The following GSN variants were observed in gnomAD, a reference collection of about 807,000 sequenced individuals.
GSN encodes the protein gelsolin.
In GSN, 56 loss-of-function variants were observed where a neutral mutation model predicts 85.7. The ratio of observed to expected loss-of-function variants is 0.65; its 90% CI spans 0.53 to 0.82. The LOEUF (loss-of-function observed/expected upper bound fraction) is 0.82. Among genes scored for constraint, GSN ranks in the 40% least tolerant of loss-of-function variants. GSN has a pLI of 0.00. For missense variants in GSN, 857 were observed against 979.8 expected (o/e 0.87, Z 1.67); for synonymous variants, 373 against 399.1 (o/e 0.93, Z 0.78).
rs1387241489 is a variant in GSN at position 121,328,900 on chromosome 9, GGGA to G, written c.1775_1777del (p.Glu592del). 1 of 1,611,592 alleles carries G rather than the reference GGGA, an allele frequency of 6.2e-7. No individual in the cohort carries two copies. ...TGGCCTCCCCTCACAGATGGCTTCT[GGGA>G]GGCCCTGGGCGGGAAGGCTGCCTAC... On this transcript the variant is annotated inframe_deletion, in exon 15 of 18. Transcript: ENST00000432226.
intron 2 of GSN, chr9:121,284,704 A>T (rs2057850568): frequency 6.0e-6 from 1 of 167,088 alleles, no homozygotes; most frequent in East Asian, 1.9e-4. Flanking sequence ...CTGGTTAGAG[A>T]GGTTTTGAAT....
At chr9:121,326,023 C>T (rs2063120127) in intron 12 of GSN, among the ~76,000 whole-genome samples, 1 of 151,338 alleles carries the variant, frequency 6.6e-6, no homozygotes, top group Admixed American at 6.6e-5. Context: ...TGAGGGTGTA[C>T]ATCTTCCCTG....
intron 2 of GSN, chr9:121,286,881 G>T: frequency 1.2e-6 from 1 of 801,360 alleles, no homozygotes; most frequent in East Asian, 2.7e-5. Flanking sequence ...TTGTTCCTCC[G>T]TCTATAAAAG....
intron 16 of GSN, among the ~76,000 whole-genome samples, chr9:121,330,450 T>C (rs1486737769): frequency 6.6e-6 from 1 of 152,054 alleles, no homozygotes; most frequent in Non-Finnish European, 1.5e-5. Flanking sequence ...TGGTGGGTGC[T>C]TATAATCCCA....
chr9:121,216,297 A>G (rs1272249852), intron 4 of GSN, among the ~76,000 whole-genome samples: 1 of 152,212 alleles, frequency 6.6e-6, no homozygotes, highest in African/African-American at 2.4e-5. Flanking sequence ...ATCATTCTAC[A>G]AAGCAAATCC....
intron 5 of GSN, among the ~76,000 whole-genome samples, chr9:121,242,166 A>T (rs575634918): frequency 1.3e-5 from 2 of 152,244 alleles, no homozygotes; most frequent in Non-Finnish European, 2.9e-5. Context: ...AATAAATACT[A>T]AGTGCCTGGA....
intron 4 of GSN, among the ~76,000 whole-genome samples, chr9:121,307,898 G>A (rs1315877631): frequency 1.3e-5 from 2 of 152,010 alleles, no homozygotes; most frequent in African/African-American, 2.4e-5. Context: ...CCTGACCTAT[G>A]TCCTTTGCAC....
At chr9:121,288,675 C>A (rs1052247377) in intron 2 of GSN, among the ~76,000 whole-genome samples, 1 of 152,278 alleles carries the variant, frequency 6.6e-6, no homozygotes, top group Non-Finnish European at 1.5e-5. Flanking sequence ...AGAGCCTGTC[C>A]TCCCTAAACA....
intron 10 of GSN, among the ~76,000 whole-genome samples, chr9:121,320,115 T>A (rs943088389): frequency 2.0e-5 from 3 of 152,188 alleles, no homozygotes; most frequent in Non-Finnish European, 4.4e-5. Context: ...TTCTCACTTG[T>A]AAAGTGGGGT....
At chr9:121,292,357 G>T (rs2058776527) in intron 2 of GSN, among the ~76,000 whole-genome samples, 1 of 152,180 alleles carries the variant, frequency 6.6e-6, no homozygotes, top group African/African-American at 2.4e-5. Context: ...CCTGGTACCA[G>T]CCTTGTTTGG....
intron 5 of GSN, chr9:121,238,681 G>C (rs2132184834): frequency 2.8e-6 from 1 of 361,496 alleles, no homozygotes. Flanking sequence ...GTGCTCTTCA[G>C]CATATCTTTG....
rs759850811 is a variant in GSN, at chr9:121,312,498, G to A, written c.663+10G>A. On this transcript the variant is annotated intron_variant, in intron 6 of 17. Coordinates refer to ENST00000432226, the MANE Select transcript of GSN (RefSeq NM_198252.3). Reference sequence around the variant, plus strand: ...CGAGGCGATGCTCCAGGTGCCTGTGGGGTGCGCAATGGGGTGGCCATGGGG... The same window carrying A: ...CGAGGCGATGCTCCAGGTGCCTGTGAGGTGCGCAATGGGGTGGCCATGGGG... 1 of 1,606,696 alleles carries A rather than the reference G, an allele frequency of 6.2e-7. No homozygotes were observed. Among genetic ancestry groups the A allele is most frequent in the South Asian group, 1.1e-5 (1 of 90,634 alleles).
intron 4 of GSN, among the ~76,000 whole-genome samples, chr9:121,303,876 C>T (rs2060147113): frequency 6.6e-6 from 1 of 152,178 alleles, no homozygotes; most frequent in Non-Finnish European, 1.5e-5. Context: ...CCAGGTGGGC[C>T]TTAATGTCAG....
At chr9:121,216,767 T>C (rs1268213478) in intron 4 of GSN, among the ~76,000 whole-genome samples, 1 of 152,254 alleles carries the variant, frequency 6.6e-6, no homozygotes, top group Non-Finnish European at 1.5e-5. Flanking sequence ...TTGGTCATTG[T>C]ATTAGTTTGC....
intron 6 of GSN, among the ~76,000 whole-genome samples, chr9:121,255,907 T>C (rs12349092): frequency 0.055 from 8,345 of 152,290 alleles, 465 homozygotes; most frequent in Admixed American, 0.14. Context: ...TGCATCAATT[T>C]ACACTCTAAC....
chr9:121,214,558 G>T (rs2132084426), intron 4 of GSN, among the ~76,000 whole-genome samples: 1 of 152,298 alleles, frequency 6.6e-6, no homozygotes, highest in South Asian at 2.1e-4. Context: ...CCTCTTTCAT[G>T]AAGTAAGGAA....
chr9:121,304,765 CT>C (rs1413194476), intron 4 of GSN, among the ~76,000 whole-genome samples: 8 of 152,198 alleles, frequency 5.3e-5, no homozygotes, highest in Non-Finnish European at 1.2e-4. Context: ...AGACTGGAGG[CT>C]CAGAGAGGTC....
chr9:121,266,751 T>C (rs2055225494), upstream of GSN, among the ~76,000 whole-genome samples: 1 of 152,000 alleles, frequency 6.6e-6, no homozygotes, highest in Non-Finnish European at 1.5e-5. Context: ...GGAGGCCAGG[T>C]AGGGAGGTGA....
intron 2 of GSN, among the ~76,000 whole-genome samples, chr9:121,294,230 C>T (rs1265261100): frequency 6.6e-6 from 1 of 152,206 alleles, no homozygotes; most frequent in Non-Finnish European, 1.5e-5. Flanking sequence ...ACGGTCCCAG[C>T]ATCTGCAGCC....
Sources: allele counts gnomAD v4.1 joint callset (sites outside exome capture counted in the v4.1 genomes callset), GRCh38; gene constraint gnomAD v4.1.1; transcripts MANE v1.5; gene names NCBI Gene and HGNC (gene_info 2026-07-23, HGNC 2026-07-21).